MARCHF1: variants seen among roughly 807,000 people sequenced by gnomAD.
MARCHF1 encodes membrane associated ring-CH-type finger 1, also known as E3 ubiquitin-protein ligase MARCHF1.
MARCHF1 carries 40 observed loss-of-function variants against 54.2 expected under a neutral mutation model. The observed-to-expected ratio is 0.74, with a 90% confidence interval of 0.57 to 0.96. MARCHF1 has a LOEUF of 0.96. Ranked by LOEUF, MARCHF1 falls within the 40% of genes least tolerant of loss-of-function variation. The pLI is 0.00. For missense variants in MARCHF1, 586 were observed against 656.5 expected (o/e 0.89, Z 1.17); for synonymous variants, 236 against 236.3 (o/e 1.00, Z 0.01).
In MARCHF1 at chr4:164,106,337, T is replaced by C. The variant is rs1164846938; in HGVS notation, c.-248+5251A>G. On this transcript the variant is annotated intron_variant, in intron 2 of 9. Coordinates refer to ENST00000514618, the MANE Select transcript of MARCHF1 (RefSeq NM_001394959.1). The stretch of plus-strand genomic sequence containing the variant: ...CACACGTATGGTTATTGCGGCATTA[T>C]TCACAATAGCAAAGACTTGGAACCA... 3.0e-4 allele frequency among the ~76,000 whole-genome samples: 20 copies of C among 65,934 alleles called. 3 individuals are homozygous for C. Among genetic ancestry groups the C allele is most frequent in the Non-Finnish European group, 3.1e-5 (1 of 32,718 alleles). The allele number at this position is 65,934 out of a possible 152,430, so 43.3% of individuals were successfully genotyped here.
At chr4:164,065,053 A>C (rs149152916) in intron 2 of MARCHF1, among the ~76,000 whole-genome samples, 2,036 of 152,318 alleles carry the variant, frequency 0.013, 30 homozygotes, top group African/African-American at 0.043. Flanking sequence ...TCGGTTTGCC[A>C]GTATTTTGCT....
intron 4 of MARCHF1, among the ~76,000 whole-genome samples, chr4:163,815,202 C>A (rs1172765615): frequency 6.6e-6 from 1 of 152,098 alleles, no homozygotes; most frequent in African/African-American, 2.4e-5. Flanking sequence ...AATGACTTTT[C>A]CATTTAAATT....
chr4:163,934,323 C>G (rs1751746287), intron 3 of MARCHF1, among the ~76,000 whole-genome samples: 1 of 152,018 alleles, frequency 6.6e-6, no homozygotes, highest in African/African-American at 2.4e-5. Flanking sequence ...CAACTCCTGG[C>G]TGAGGCAGGA....
intron 3 of MARCHF1, among the ~76,000 whole-genome samples, chr4:163,943,361 T>C (rs748935981): frequency 1.2e-4 from 19 of 152,300 alleles, no homozygotes; most frequent in Middle Eastern, 3.4e-3. Flanking sequence ...AGTTGATTTT[T>C]GTGTATAGTG....
At chr4:163,700,521 GA>G (rs1744775743) in intron 5 of MARCHF1, among the ~76,000 whole-genome samples, 1 of 135,566 alleles carries the variant, frequency 7.4e-6, no homozygotes, top group South Asian at 2.6e-4. Flanking sequence ...TAGATAGAAA[GA>G]AAGAAAGAAG....
intron 1 of MARCHF1, among the ~76,000 whole-genome samples, chr4:164,169,449 T>A (rs544579311): frequency 3.7e-4 from 56 of 152,000 alleles, no homozygotes; most frequent in Non-Finnish European, 3.7e-4. Context: ...TTTTCATCAT[T>A]TCCTCACTTA....
At chr4:164,317,864 C>A (rs1735040203) in intron 1 of MARCHF1, among the ~76,000 whole-genome samples, 1 of 152,096 alleles carries the variant, frequency 6.6e-6, no homozygotes, top group South Asian at 2.1e-4. Flanking sequence ...GAGATACCAG[C>A]CCACATATTT....
intron 2 of MARCHF1, among the ~76,000 whole-genome samples, chr4:164,065,082 G>A (rs563082820): frequency 6.6e-6 from 1 of 152,150 alleles, no homozygotes; most frequent in Non-Finnish European, 1.5e-5. Context: ...TTGCATCAAC[G>A]TTCATCAAGA....
At chr4:163,806,058 C>T (rs1748217090) in intron 4 of MARCHF1, among the ~76,000 whole-genome samples, 1 of 152,182 alleles carries the variant, frequency 6.6e-6, no homozygotes, top group African/African-American at 2.4e-5. Flanking sequence ...TTAGTTCATG[C>T]ACTAAACTTA....
Position 163,528,455 on chromosome 4 carries a change from T to C in MARCHF1, c.*293A>G, listed in dbSNP as rs567742801. 3.0e-6 allele frequency: 1 copy of C among 328,234 alleles called. No homozygotes were observed. Among genetic ancestry groups the C allele is most frequent in the African/African-American group, 2.1e-5 (1 of 47,104 alleles). The allele number at this position is 328,234 out of a possible 1,614,324, so 20.3% of individuals were successfully genotyped here. The stretch of plus-strand genomic sequence containing the variant: ...TATCATGGGTCCATTTAATCTTTGA[T>C]TACTGCCTAAAAGCATTCATTGCCC... On this transcript the variant is annotated 3_prime_UTR_variant, in exon 10 of 10. Coordinates refer to ENST00000514618, the MANE Select transcript of MARCHF1 (RefSeq NM_001394959.1).
chr4:163,833,892 A>T (rs1450204545), intron 4 of MARCHF1, among the ~76,000 whole-genome samples: 1 of 152,166 alleles, frequency 6.6e-6, no homozygotes, highest in Non-Finnish European at 1.5e-5. Context: ...AGGCAATTAG[A>T]AGAAAGGAGA....
At chr4:164,135,493 A>T (rs1391462715) in intron 1 of MARCHF1, 1 of 152,220 alleles carries the variant, frequency 6.6e-6, no homozygotes, top group Non-Finnish European at 1.5e-5. Context: ...ATCCTTCTTC[A>T]CATGGCAACA....
At chr4:164,150,238 G>A (rs1320241471) in intron 1 of MARCHF1, among the ~76,000 whole-genome samples, 1 of 152,148 alleles carries the variant, frequency 6.6e-6, no homozygotes, top group Admixed American at 6.6e-5. Flanking sequence ...TGAATTTCAA[G>A]TAATTTGTTA....
intron 1 of MARCHF1, among the ~76,000 whole-genome samples, chr4:164,231,992 T>C (rs1317170386): frequency 6.6e-6 from 1 of 152,106 alleles, no homozygotes; most frequent in Non-Finnish European, 1.5e-5. Context: ...TTATAAAATG[T>C]TTAATAGGGT....
intron 5 of MARCHF1, among the ~76,000 whole-genome samples, chr4:163,679,040 G>A (rs1277709428): frequency 6.6e-6 from 1 of 152,230 alleles, no homozygotes; most frequent in African/African-American, 2.4e-5. Flanking sequence ...ATTTGGGCAA[G>A]AGGGATGAAG....
intron 3 of MARCHF1, among the ~76,000 whole-genome samples, chr4:163,866,780 A>C (rs2111205266): frequency 6.6e-6 from 1 of 151,914 alleles, no homozygotes; most frequent in Admixed American, 6.6e-5. Context: ...AGGAAAGCAC[A>C]GTACTTTAAA....
intron 8 of MARCHF1, among the ~76,000 whole-genome samples, chr4:163,554,123 TAGC>T (rs1428770380): frequency 6.6e-6 from 1 of 152,226 alleles, no homozygotes; most frequent in Non-Finnish European, 1.5e-5. Context: ...AGAGGTGTGA[TAGC>T]AGGGAAAATG....
rs556255961 is a variant in MARCHF1 at position 164,310,764 on chromosome 4, T to C, written c.-323+73106A>G. 2.0e-5 allele frequency among the ~76,000 whole-genome samples: 3 copies of C among 152,212 alleles called. No individual in the cohort carries two copies. In the East Asian group the frequency reaches 5.8e-4, roughly 30 times the overall value. On this transcript the variant is annotated intron_variant, in intron 1 of 9. Coordinates refer to ENST00000514618, the MANE Select transcript of MARCHF1 (RefSeq NM_001394959.1). ...AAGTTATTAAAAAACAACAGAAATA[T>C]AGCTTCATAAGGAAACTGAGAGATC...
At chr4:163,887,470 G>A (rs1004074575) in intron 3 of MARCHF1, among the ~76,000 whole-genome samples, 2 of 152,086 alleles carry the variant, frequency 1.3e-5, no homozygotes, top group Non-Finnish European at 2.9e-5. Context: ...TCAGGGACCA[G>A]CAGCACCAGC....
Sources: gnomAD v4.1 joint callset for allele counts (sites outside exome capture counted in the v4.1 genomes callset) on GRCh38, gnomAD v4.1.1 for gene constraint, MANE v1.5 for transcripts, NCBI Gene and HGNC (gene_info 2026-07-23, HGNC 2026-07-21) for gene names.